Variants in MDM2 observed in about 807,000 individuals in gnomAD.
MDM2 encodes the protein MDM2 proto-oncogene, also known as E3 ubiquitin-protein ligase Mdm2.
Under a neutral mutation model 64.3 loss-of-function variants are expected in MDM2, and 11 were observed. That is an observed-to-expected ratio of 0.17 (90% CI 0.11 to 0.28). The LOEUF (loss-of-function observed/expected upper bound fraction) is 0.28. Ranked by LOEUF, MDM2 falls within the 10% of genes least tolerant of loss-of-function variation. MDM2 has a pLI of 1.00. For synonymous variants in MDM2, 194 were observed against 192.9 expected, an observed-to-expected ratio of 1.01 and a Z score of -0.05; for missense variants, 388 against 577.1, an observed-to-expected ratio of 0.67 and a Z score of 3.36.
chr12:68,818,673 T>C (rs1290414419), intron 4 of MDM2, among the ~76,000 whole-genome samples: 1 of 150,838 alleles, frequency 6.6e-6, no homozygotes, highest in Admixed American at 6.6e-5. Context: ...GTGGCCTTGG[T>C]ATATATGGTT....
intron 2 of MDM2, among the ~76,000 whole-genome samples, chr12:68,810,925 G>A (rs1159873647): frequency 1.3e-5 from 2 of 152,004 alleles, no homozygotes; most frequent in East Asian, 1.9e-4. Context: ...GAGTGCAATG[G>A]CGAGATCTTG....
intron 5 of MDM2, 98 bp from the exon 6 acceptor site, chr12:68,824,265 C>A: frequency 1.3e-6 from 1 of 756,146 alleles, no homozygotes; most frequent in Non-Finnish European, 2.2e-6. Context: ...GGTTAAATTG[C>A]ATAAGGGTTT....
chr12:68,836,230 T>G (rs894102184), intron 9 of MDM2, among the ~76,000 whole-genome samples: 3 of 152,176 alleles, frequency 2.0e-5, no homozygotes, highest in Non-Finnish European at 2.9e-5. Context: ...CTTATTATAA[T>G]GGTCTGTTCA....
At chr12:68,847,456 T>TC (rs1285407245), downstream of MDM2, 15 of 114,260 alleles carry the variant, frequency 1.3e-4, 1 homozygote, top group Middle Eastern at 3.6e-3. Flanking sequence ...TCCTTTCTTT[T>TC]TTTTTTTTTT....
chr12:68,808,582 C>G (rs776281610), intron 1 of MDM2, 91 bp downstream of exon 1: 1 of 1,576,334 alleles, frequency 6.3e-7, no homozygotes, highest in Non-Finnish European at 8.7e-7. Flanking sequence ...CCGTTCGCAG[C>G]CTTTGTGCGG....
At chr12:68,827,941 G>A (rs764639873) in intron 7 of MDM2, among the ~76,000 whole-genome samples, 4 of 152,160 alleles carry the variant, frequency 2.6e-5, no homozygotes, top group Non-Finnish European at 4.4e-5. Context: ...GACCAGTGTG[G>A]CCAACATGGT....
Position 68,809,218 on chromosome 12 carries a change from A to C in MDM2, c.25A>C (p.Asn9His). ...TTTTTTTCCTTGTAGGCAAATGTGC[A>C]ATACCAACATGTCTGTACCTACTGA... Reference protein sequence around the residue: MVRSRQMCNTNMSVPTDGA... With the variant: MVRSRQMCHTNMSVPTDGA... Residue 9 changes from asparagine to histidine, a missense_variant, in exon 2 of 11, where the codon AAT becomes CAT. Physicochemically the swap from Asn to His is moderately conservative, Grantham distance 68 (BLOSUM62 1). Coordinates refer to ENST00000258149, the MANE Select transcript of MDM2 (RefSeq NM_002392.6). The C allele has an allele frequency of 1.2e-6, 2 of 1,613,364 alleles. No homozygotes were observed. Among genetic ancestry groups the C allele is most frequent in the Non-Finnish European group, 1.7e-6 (2 of 1,179,704 alleles).
In MDM2 at chr12:68,842,962, TATATA is replaced by T. The variant is rs1194857626; in HGVS notation, c.*3116_*3120del. 4.7e-6 allele frequency: 1 copy of T among 210,692 alleles called. No individual in the cohort carries two copies. The highest frequency in any genetic ancestry group is 9.6e-6 in the Non-Finnish European group (1 of 103,870). The allele number at this position is 210,692 out of a possible 1,614,324, so 13.1% of individuals were successfully genotyped here. On this transcript the variant is annotated 3_prime_UTR_variant, in exon 11 of 11. Coordinates refer to ENST00000258149, the MANE Select transcript of MDM2 (RefSeq NM_002392.6). Reference sequence around the variant, plus strand: ...AAGGTTTGCCTGAAATAACTGACACTATATAATTTCTGCTTTGGCAAATACTAAGT... The same window carrying T: ...AAGGTTTGCCTGAAATAACTGACACTATTTCTGCTTTGGCAAATACTAAGT...
rs1336530050 is a variant in MDM2 at position 68,843,099 on chromosome 12, T to G, written c.*3250T>G. The G allele has an allele frequency of 4.5e-6, 1 of 222,582 alleles. No homozygotes were observed. Among genetic ancestry groups the G allele is most frequent in the Non-Finnish European group, 9.0e-6 (1 of 111,514 alleles). 13.8% of individuals were successfully genotyped at this position (222,582 alleles called of 1,614,324 possible). A position where few individuals can be genotyped will look rare whatever the true frequency, so the allele number is the denominator to read the frequency against. ...TTTGCAATTTGTTGTGTGGGTTTTT[T>G]TTTTTTTAAAGCCACACAATAATTT... On this transcript the variant is annotated 3_prime_UTR_variant, in exon 11 of 11. Transcript: ENST00000258149.
intron 2 of MDM2, 152 bp from the exon 3 acceptor site, chr12:68,813,402 C>G: frequency 3.4e-6 from 2 of 586,702 alleles, no homozygotes; most frequent in South Asian, 2.2e-5. Flanking sequence ...ACAACTGATA[C>G]TTGATGATTC....
downstream of MDM2, chr12:68,848,563 A>G (rs1884485468): frequency 6.6e-6 from 1 of 152,226 alleles, no homozygotes. Flanking sequence ...AAAAGTTGAT[A>G]TGGTGTCAGA....
intron 5 of MDM2, 36 bp from the exon 6 acceptor site, chr12:68,824,327 A>ACCAC (rs1019176195): frequency 4.6e-6 from 6 of 1,295,970 alleles, no homozygotes; most frequent in Admixed American, 3.5e-5. Context: ...CCCCCCGCCC[A>ACCAC]CCACCAAGTT....
chr12:68,816,966 A>G (rs1452442950), intron 4 of MDM2, 21 bp downstream of exon 4: 5 of 1,607,162 alleles, frequency 3.1e-6, no homozygotes, highest in Admixed American at 3.5e-5. Flanking sequence ...AGTTTAGTCC[A>G]TTGTAAAAAG....
chr12:68,833,190 TATATA>T (rs1290777400), intron 8 of MDM2, among the ~76,000 whole-genome samples: 6 of 125,362 alleles, frequency 4.8e-5, no homozygotes, highest in African/African-American at 1.1e-4. Flanking sequence ...AATGTATAAA[TATATA>T]ATATATAATT....
chr12:68,828,638 C>A, intron 7 of MDM2, 133 bp from the exon 8 acceptor site: 1 of 673,266 alleles, frequency 1.5e-6, no homozygotes. Context: ...AACAGTTGGA[C>A]AGATTCAATA....
rs775909564 is a variant in MDM2, at chr12:68,835,992, T to G, written c.840+8T>G. 1.3e-5 allele frequency: 21 copies of G among 1,588,270 alleles called. No homozygotes were observed. The South Asian group carries it at 2.5e-4, about 19-fold the overall frequency. ...TCAGATGAAGATGATGAGGTAGTATTTTTTTTCCCCTCTAATTATATTGGA... is the reference window on the plus strand; with the variant it reads ...TCAGATGAAGATGATGAGGTAGTATGTTTTTTCCCCTCTAATTATATTGGA... On this transcript the variant is annotated splice_region_variant and intron_variant, in intron 9 of 10. Coordinates refer to ENST00000258149, the MANE Select transcript of MDM2 (RefSeq NM_002392.6).
Position 68,840,566 on chromosome 12 carries a change from T to C in MDM2, c.*717T>C. 5.2e-6 allele frequency: 1 copy of C among 193,744 alleles called. No individual in the cohort carries two copies. Among genetic ancestry groups the C allele is most frequent in the Non-Finnish European group, 1.1e-5 (1 of 93,168 alleles). 12.0% of individuals were successfully genotyped at this position (193,744 alleles called of 1,614,324 possible). ...AGTCTCTCTGTCGCCCAGGCTGGAGTGCAGTGTCATGATCTAGCAGTCTCC... is the reference window on the plus strand; with the variant it reads ...AGTCTCTCTGTCGCCCAGGCTGGAGCGCAGTGTCATGATCTAGCAGTCTCC... On this transcript the variant is annotated 3_prime_UTR_variant, in exon 11 of 11. Coordinates refer to ENST00000258149, the MANE Select transcript of MDM2 (RefSeq NM_002392.6).
intron 4 of MDM2, among the ~76,000 whole-genome samples, chr12:68,819,247 G>A (rs1489063461): frequency 1.3e-5 from 2 of 152,126 alleles, no homozygotes; most frequent in Non-Finnish European, 2.9e-5. Context: ...ACAATATTTT[G>A]TGACAAACAC....
At chr12:68,821,278 C>T (rs1012812689) in intron 5 of MDM2, among the ~76,000 whole-genome samples, 2 of 152,012 alleles carry the variant, frequency 1.3e-5, no homozygotes, top group African/African-American at 4.8e-5. Context: ...GAACTCCTGA[C>T]CTTGTGATCT....
Sources: gnomAD v4.1 joint callset for allele counts (sites outside exome capture counted in the v4.1 genomes callset) on GRCh38, gnomAD v4.1.1 for gene constraint, MANE v1.5 for transcripts, NCBI Gene and HGNC (gene_info 2026-07-23, HGNC 2026-07-21) for gene names.